The following FGD4 variants were observed in gnomAD, a reference collection of about 807,000 sequenced individuals.
FGD4 encodes the protein FYVE, RhoGEF and PH domain containing 4, also known as FYVE, RhoGEF and PH domain-containing protein 4.
In FGD4, 42 loss-of-function variants were observed where a neutral mutation model predicts 102.0. The observed-to-expected ratio is 0.41, with a 90% CI of 0.32 to 0.53. FGD4 has a LOEUF of 0.53. Ranked by LOEUF, FGD4 falls within the 20% of genes least tolerant of loss-of-function variation. FGD4 has a pLI of 0.21. For missense variants in FGD4, 902 were observed against 1,078.2 expected (o/e 0.84, Z 2.29); for synonymous variants, 380 against 375.7 (o/e 1.01, Z -0.13).
At position 32,624,913 on chromosome 12, in the gene FGD4, A is replaced by G. The variant is rs918503302; in HGVS notation, c.1954-63A>G. On this transcript the variant is annotated intron_variant, in intron 12 of 16. Coordinates refer to ENST00000534526, the MANE Select transcript of FGD4 (RefSeq NM_001370298.3). ...CCTATCATAGATATTTGTTTGATAA[A>G]GTATATTCATTGGTTTATATGAGAA... The G allele has an allele frequency of 1.7e-5, 23 of 1,337,522 alleles. 1 individual carries two copies. Among genetic ancestry groups the G allele is most frequent in the Non-Finnish European group, 2.3e-5 (21 of 930,816 alleles). The allele number at this position is 1,337,522 out of a possible 1,614,324, so 82.9% of individuals were successfully genotyped here.
At chr12:32,432,729 G>T (rs910066209) in intron 1 of FGD4, among the ~76,000 whole-genome samples, 11 of 151,966 alleles carry the variant, frequency 7.2e-5, no homozygotes, top group Admixed American at 2.6e-4. Context: ...ACATGAACGT[G>T]AACCTTCATG....
chr12:32,560,849 T>C (rs1030743149), intron 1 of FGD4, among the ~76,000 whole-genome samples: 10 of 151,660 alleles, frequency 6.6e-5, no homozygotes, highest in Non-Finnish European at 1.3e-4. Context: ...CGCACCACCA[T>C]GCCCAGCTAA....
At chr12:32,402,051 C>T (rs1255964078) in intron 1 of FGD4, among the ~76,000 whole-genome samples, 8 of 151,368 alleles carry the variant, frequency 5.3e-5, no homozygotes, top group Admixed American at 3.9e-4. Flanking sequence ...TACAGGCGCC[C>T]GCCACCACGC....
In FGD4 at chr12:32,581,713, A is replaced by G. The variant is rs139602277; in HGVS notation, c.504-247A>G. On this transcript the variant is annotated intron_variant, in intron 3 of 16. Coordinates refer to ENST00000534526, the MANE Select transcript of FGD4 (RefSeq NM_001370298.3). Reference sequence around the variant, plus strand: ...AGTTATAAATAAAATAAACAGCCCAAGGAAATGTTCCAGTCCCCATAGGTA... The same window carrying G: ...AGTTATAAATAAAATAAACAGCCCAGGGAAATGTTCCAGTCCCCATAGGTA... Among the ~76,000 whole-genome samples, 47 of 152,340 alleles carry G rather than the reference A, an allele frequency of 3.1e-4. No individual in the cohort carries two copies. The East Asian group carries it at 8.5e-3, about 27-fold the overall frequency.
intron 1 of FGD4, among the ~76,000 whole-genome samples, chr12:32,473,297 A>T (rs1440718909): frequency 2.0e-5 from 3 of 151,878 alleles, no homozygotes; most frequent in Non-Finnish European, 4.4e-5. Flanking sequence ...TGCTCTTTGC[A>T]ATAACTCTTG....
chr12:32,588,048 G>A (rs1386327499), intron 4 of FGD4, among the ~76,000 whole-genome samples: 3 of 152,184 alleles, frequency 2.0e-5, no homozygotes, highest in Non-Finnish European at 4.4e-5. Context: ...TGTCCAAGAG[G>A]AGAAAGAAGA....
chr12:32,586,436 G>A (rs563172305), intron 4 of FGD4, among the ~76,000 whole-genome samples: 35 of 152,278 alleles, frequency 2.3e-4, no homozygotes, highest in African/African-American at 8.4e-4. Context: ...ATCGCATAAT[G>A]TATGGTCACT....
At chr12:32,479,951 G>C (rs549388790) in intron 1 of FGD4, among the ~76,000 whole-genome samples, 1 of 151,122 alleles carries the variant, frequency 6.6e-6, no homozygotes, top group Non-Finnish European at 1.5e-5. Context: ...TCCACATCCA[G>C]CTAATTTTTT....
chr12:32,427,574 A>T (rs1354848553), intron 1 of FGD4, among the ~76,000 whole-genome samples: 3 of 152,176 alleles, frequency 2.0e-5, no homozygotes, highest in Non-Finnish European at 4.4e-5. Flanking sequence ...GTAGATGTCT[A>T]TTAGGTCTGC....
chr12:32,599,377 C>T (rs1356773288), intron 5 of FGD4, among the ~76,000 whole-genome samples: 1 of 140,706 alleles, frequency 7.1e-6, no homozygotes, highest in Non-Finnish European at 1.5e-5. Context: ...GCCTGTAGTC[C>T]CAGCTACTCG....
intron 1 of FGD4, among the ~76,000 whole-genome samples, chr12:32,420,292 A>T (rs182001329): frequency 6.6e-6 from 1 of 152,200 alleles, no homozygotes; most frequent in East Asian, 1.9e-4. Context: ...TCATTGGATC[A>T]TGTTTGTTTA....
At position 32,601,369 on chromosome 12, in the gene FGD4, A is replaced by T. The variant is rs764833051; in HGVS notation, c.1193A>T (p.Asn398Ile). ...NKIFSNISSINAFHSKFLLPE... is the reference protein window; with the variant it reads ...NKIFSNISSIIAFHSKFLLPE... ...ATCTTTTCTAATATTTCATCAATAA[A>T]TGCCTTCCATAGTAAATTCCTCTTG... Residue 398 changes from asparagine to isoleucine, a missense_variant, in exon 6 of 17, where the codon AAT becomes ATT. By Grantham distance (149) the Asn-to-Ile change is moderately radical. This residue lies in a region of FGD4 where 459 missense variants were observed against 619.0 expected (regional missense o/e 0.74). Coordinates refer to ENST00000534526, the MANE Select transcript of FGD4 (RefSeq NM_001370298.3). 6.2e-7 allele frequency: 1 copy of T among 1,614,054 alleles called. No homozygotes were observed. Among genetic ancestry groups the T allele is most frequent in the Non-Finnish European group, 8.5e-7 (1 of 1,180,020 alleles).
At chr12:32,608,123 T>G in intron 8 of FGD4, 28 bp downstream of exon 8, 2 of 1,613,848 alleles carry the variant, frequency 1.2e-6, no homozygotes, top group Non-Finnish European at 1.7e-6. Flanking sequence ...GTTTTCTCCC[T>G]ATTTTGGAAT....
At chr12:32,401,726 CTTTTTT>C (rs34078307) in intron 1 of FGD4, among the ~76,000 whole-genome samples, 24 of 113,592 alleles carry the variant, frequency 2.1e-4, no homozygotes, top group African/African-American at 8.4e-4. Flanking sequence ...CTTTTCCATT[CTTTTTT>C]TTTTTTTTTT....
intron 2 of FGD4, among the ~76,000 whole-genome samples, chr12:32,567,622 G>T (rs1378364708): frequency 6.6e-6 from 1 of 150,772 alleles, no homozygotes; most frequent in Admixed American, 6.6e-5. Context: ...AAATAAGCAC[G>T]TAATTATATC....
intron 1 of FGD4, among the ~76,000 whole-genome samples, chr12:32,477,920 T>A (rs1943622105): frequency 6.6e-6 from 1 of 152,214 alleles, no homozygotes; most frequent in Non-Finnish European, 1.5e-5. Context: ...TGCCTCTGCC[T>A]TTGCTCATTC....
intron 4 of FGD4, among the ~76,000 whole-genome samples, chr12:32,590,921 A>T (rs1354259155): frequency 1.3e-5 from 2 of 152,190 alleles, no homozygotes; most frequent in African/African-American, 4.8e-5. Context: ...AATAGGTTAG[A>T]CCAATTATGT....
chr12:32,464,207 C>T (rs1159086007), intron 1 of FGD4, among the ~76,000 whole-genome samples: 1 of 152,138 alleles, frequency 6.6e-6, no homozygotes, highest in Admixed American at 6.6e-5. Context: ...GGCTAGTGTG[C>T]ACTGGTGCAA....
chr12:32,632,252 A>G (rs11052119), intron 14 of FGD4, among the ~76,000 whole-genome samples: 30,879 of 152,212 alleles, frequency 0.2, 3,877 homozygotes, highest in African/African-American at 0.35. Context: ...CATTTGCATC[A>G]TATTCATTCA....
Sources: allele counts gnomAD v4.1 joint callset (sites outside exome capture counted in the v4.1 genomes callset), GRCh38; gene constraint gnomAD v4.1.1; regional missense constraint gnomAD v4.1.1; transcripts MANE v1.5; gene names NCBI Gene and HGNC (gene_info 2026-07-23, HGNC 2026-07-21).